Variants in ELOVL6 observed in about 807,000 individuals in gnomAD.
ELOVL6 encodes ELOVL fatty acid elongase 6, also known as very long chain fatty acid elongase 6.
Under a neutral mutation model 31.7 loss-of-function variants are expected in ELOVL6, and 8 were observed. That is an observed-to-expected ratio of 0.25 (90% CI 0.15 to 0.45). ELOVL6 has a LOEUF of 0.45. Ranked by LOEUF, ELOVL6 falls within the 20% of genes least tolerant of loss-of-function variation. The probability of loss-of-function intolerance (pLI) is 1.00; values close to 1 mark genes in which losing one functional copy is unlikely to be tolerated. For missense variants in ELOVL6, 126 were observed against 326.4 expected (o/e 0.39, Z 4.73); for synonymous variants, 101 against 117.7 (o/e 0.86, Z 0.92).
chr4:110,130,533 C>G (rs1240760558), intron 1 of ELOVL6, among the ~76,000 whole-genome samples: 2 of 152,084 alleles, frequency 1.3e-5, no homozygotes, highest in African/African-American at 4.8e-5. Flanking sequence ...ATGACTGAAC[C>G]AAGGATGCTA....
intron 3 of ELOVL6, among the ~76,000 whole-genome samples, chr4:110,057,918 G>A (rs1439530228): frequency 1.3e-5 from 2 of 149,120 alleles, no homozygotes; most frequent in South Asian, 4.2e-4. Flanking sequence ...CACACTCTCA[G>A]ATCAACCCCA....
Position 110,051,613 on chromosome 4 carries a change from C to T in ELOVL6, c.523G>A (p.Ala175Thr). The change falls in exon 4 of 4, where the codon GCC becomes ACC. Residue 175 changes from alanine to threonine, a missense_variant. Coordinates refer to ENST00000302274, the MANE Select transcript of ELOVL6 (RefSeq NM_024090.3). The surrounding 1 kb of genome is among the most constrained non-coding windows in gnomAD (Gnocchi z 4.8). ...AAGGCATAGTAAGAGTACATCACGG[C>T]GTGCACGCCATAGTTCATAGTCATG... Reference protein sequence around the residue: ...WFMTMNYGVHAVMYSYYALRA... With the variant: ...WFMTMNYGVHTVMYSYYALRA... 2 of 1,614,188 alleles carry T rather than the reference C, an allele frequency of 1.2e-6. No homozygotes were observed. Among genetic ancestry groups the T allele is most frequent in the Non-Finnish European group, 1.7e-6 (2 of 1,180,030 alleles).
intron 1 of ELOVL6, among the ~76,000 whole-genome samples, chr4:110,107,321 C>T (rs748118732): frequency 2.0e-5 from 3 of 152,152 alleles, no homozygotes; most frequent in Admixed American, 6.5e-5. Flanking sequence ...ACCTGGAACA[C>T]AGTAGGTGCT....
At chr4:110,144,132 A>G (rs1758042200) in intron 1 of ELOVL6, among the ~76,000 whole-genome samples, 1 of 152,000 alleles carries the variant, frequency 6.6e-6, no homozygotes, top group African/African-American at 2.4e-5. Flanking sequence ...ATTTCATTGC[A>G]AAAATACCAA....
intron 2 of ELOVL6, among the ~76,000 whole-genome samples, chr4:110,091,765 CCT>C (rs35168862): frequency 0.22 from 34,154 of 152,018 alleles, 4,411 homozygotes; most frequent in East Asian, 0.47. Context: ...AAAAGCCACC[CCT>C]CTGTCTACTA....
At chr4:110,186,368 A>G (rs1009249155) in intron 1 of ELOVL6, among the ~76,000 whole-genome samples, 3 of 151,966 alleles carry the variant, frequency 2.0e-5, no homozygotes, top group Admixed American at 6.6e-5. Flanking sequence ...TCTCTCTCCT[A>G]CCGGCCCCCA....
At chr4:110,106,992 G>A (rs1404256020) in intron 1 of ELOVL6, among the ~76,000 whole-genome samples, 1 of 152,146 alleles carries the variant, frequency 6.6e-6, no homozygotes, top group Non-Finnish European at 1.5e-5. Flanking sequence ...CTTAAAATGG[G>A]TCTTCCCTAT....
chr4:110,136,858 G>C (rs190366165), intron 1 of ELOVL6, among the ~76,000 whole-genome samples: 2 of 152,070 alleles, frequency 1.3e-5, no homozygotes, highest in Admixed American at 6.5e-5. Context: ...AAAGGTGGAA[G>C]TGGAGAAATA....
chr4:110,052,321 A>G (rs558203754), intron 3 of ELOVL6, among the ~76,000 whole-genome samples: 2 of 152,340 alleles, frequency 1.3e-5, no homozygotes, highest in South Asian at 4.1e-4. Context: ...CCTCAAACAT[A>G]TATCTTTGTG....
At chr4:110,152,828 A>T (rs1447510816) in intron 1 of ELOVL6, among the ~76,000 whole-genome samples, 7 of 152,232 alleles carry the variant, frequency 4.6e-5, no homozygotes, top group African/African-American at 9.6e-5. Context: ...AGAAAATTTT[A>T]GAAGGGGAAA....
At chr4:110,169,883 C>A (rs2126272918) in intron 1 of ELOVL6, among the ~76,000 whole-genome samples, 1 of 150,292 alleles carries the variant, frequency 6.7e-6, no homozygotes, top group South Asian at 2.1e-4. Flanking sequence ...CAGCTCACTG[C>A]AACCTCTGCC....
chr4:110,155,067 CATA>C (rs1482818281), intron 1 of ELOVL6, among the ~76,000 whole-genome samples: 2 of 152,126 alleles, frequency 1.3e-5, no homozygotes, highest in Non-Finnish European at 2.9e-5. Flanking sequence ...ATCTACATAG[CATA>C]TACTGCTATT....
chr4:110,123,160 T>G (rs1757400696), intron 1 of ELOVL6, among the ~76,000 whole-genome samples: 1 of 152,222 alleles, frequency 6.6e-6, no homozygotes, highest in Non-Finnish European at 1.5e-5. Flanking sequence ...GGACATACTT[T>G]TAACAGGGAA....
intron 1 of ELOVL6, among the ~76,000 whole-genome samples, chr4:110,186,755 G>A (rs1759451398): frequency 7.4e-6 from 1 of 135,484 alleles, no homozygotes; most frequent in Non-Finnish European, 1.5e-5. Flanking sequence ...AGTGAGTTGA[G>A]ATTACACCAC....
chr4:110,098,120 T>C (rs1383303928), intron 2 of ELOVL6, among the ~76,000 whole-genome samples: 2 of 152,154 alleles, frequency 1.3e-5, no homozygotes, highest in East Asian at 1.9e-4. Context: ...TCTTCAAGAG[T>C]TGAACACGGA....
At chr4:110,169,503 A>T (rs1758881184) in intron 1 of ELOVL6, among the ~76,000 whole-genome samples, 1 of 152,036 alleles carries the variant, frequency 6.6e-6, no homozygotes, top group African/African-American at 2.4e-5. Context: ...TCAGCCTCCC[A>T]AAGTGCTGGG....
chr4:110,158,651 ATATATATTTTTT>A (rs1280847861), intron 1 of ELOVL6, among the ~76,000 whole-genome samples: 4 of 89,962 alleles, frequency 4.4e-5, no homozygotes, highest in Admixed American at 3.5e-4. Flanking sequence ...ATATATATAT[ATATATATTTTTT>A]TTTTTTTTTT....
chr4:110,136,614 C>CCCTGATTATACCAGCTGCA (rs1757819693), intron 1 of ELOVL6, among the ~76,000 whole-genome samples: 1 of 152,064 alleles, frequency 6.6e-6, no homozygotes, highest in Non-Finnish European at 1.5e-5. Context: ...TGCCAGCTGC[C>CCCTGATTATACCAGCTGCA]CCTGATTATA....
At chr4:110,115,097 G>T (rs1274559049) in intron 1 of ELOVL6, among the ~76,000 whole-genome samples, 1 of 152,030 alleles carries the variant, frequency 6.6e-6, no homozygotes, top group East Asian at 1.9e-4. Context: ...GGAAAACATG[G>T]CATGTTTTCA....
Sources: gnomAD v4.1 joint callset for allele counts (sites outside exome capture counted in the v4.1 genomes callset) on GRCh38, gnomAD v4.1.1 for gene constraint, Gnocchi (gnomAD v3.1) non-coding constraint, MANE v1.5 for transcripts, NCBI Gene and HGNC (gene_info 2026-07-23, HGNC 2026-07-21) for gene names.